MAD1L1: variants seen among roughly 807,000 people sequenced by gnomAD.
MAD1L1 encodes the protein mitotic spindle assembly checkpoint protein MAD1.
A neutral mutation model predicts 96.9 loss-of-function variants in MAD1L1; 95 were observed. The ratio of observed to expected loss-of-function variants is 0.98; its 90% CI spans 0.83 to 1.16. The LOEUF is 1.16. MAD1L1 is among the 50% of genes most tolerant of loss of function. The pLI is 0.00. For synonymous variants in MAD1L1, 473 were observed against 396.6 expected, an observed-to-expected ratio of 1.19 and a Z score of -2.29; for missense variants, 1,007 against 954.4, an observed-to-expected ratio of 1.06 and a Z score of -0.73.
At chr7:1,966,586 T>C (rs1413669598) in intron 15 of MAD1L1, among the ~76,000 whole-genome samples, 17 of 90,136 alleles carry the variant, frequency 1.9e-4, no homozygotes, top group African/African-American at 3.8e-4. Context: ...ACAAAAAAAA[T>C]CCCTAGAGAT....
intron 17 of MAD1L1, among the ~76,000 whole-genome samples, chr7:1,915,278 G>C (rs35797753): frequency 2.0e-5 from 3 of 152,032 alleles, no homozygotes; most frequent in Admixed American, 2.0e-4. Context: ...ACCTTGGAGC[G>C]GAAGTGCTAC....
intron 18 of MAD1L1, among the ~76,000 whole-genome samples, chr7:1,833,592 TAC>T (rs1403280107): frequency 6.6e-6 from 1 of 152,226 alleles, no homozygotes; most frequent in Non-Finnish European, 1.5e-5. Flanking sequence ...AGATTTCAAG[TAC>T]ACACACAACA....
At chr7:2,187,851 T>A (rs991194548) in intron 10 of MAD1L1, among the ~76,000 whole-genome samples, 2 of 152,218 alleles carry the variant, frequency 1.3e-5, no homozygotes, top group African/African-American at 2.4e-5. Flanking sequence ...TGGTAGACAT[T>A]TTCTCAAAAA....
At chr7:2,036,705 G>C (rs74384981) in intron 12 of MAD1L1, among the ~76,000 whole-genome samples, 5,012 of 152,220 alleles carry the variant, frequency 0.033, 248 homozygotes, top group African/African-American at 0.11. Context: ...ACCCAGACGT[G>C]TGCCTGTCCC....
chr7:2,014,265 G>C lies in MAD1L1; in HGVS notation c.1359+237C>G, dbSNP rs55690593. On this transcript the variant is annotated intron_variant, in intron 13 of 18. Transcript: ENST00000265854. ...CTGTCCCTCTGTCATCCGCTTGCAG[G>C]CTGGGACCACCTGAGACACCCTGAC... 7.0e-3 allele frequency among the ~76,000 whole-genome samples: 1,072 copies of C among 152,304 alleles called. 7 individuals carry two copies. Among genetic ancestry groups the C allele is most frequent in the Middle Eastern group, 0.058 (17 of 294 alleles).
At position 2,142,738 on chromosome 7, in the gene MAD1L1, T is replaced by C. The variant is rs1789102258; in HGVS notation, c.1073+6414A>G. On this transcript the variant is annotated intron_variant, in intron 11 of 18. Coordinates refer to ENST00000265854, the MANE Select transcript of MAD1L1 (RefSeq NM_001013836.2). This position sits in a 1 kb window ranked among gnomAD's most constrained non-coding sequence, Gnocchi z 4.7. ...AGCCGAACGGACGCAACAAGGCCTCTGGCCATGTCAAACCCCAGGGGCCCC... is the reference window on the plus strand; with the variant it reads ...AGCCGAACGGACGCAACAAGGCCTCCGGCCATGTCAAACCCCAGGGGCCCC... Among the ~76,000 whole-genome samples, 1 of 152,240 alleles carries C rather than the reference T, an allele frequency of 6.6e-6. No homozygotes were observed. The highest frequency in any genetic ancestry group is 2.1e-4 in the South Asian group (1 of 4,834).
At chr7:1,939,072 G>T (rs1254480741) in intron 16 of MAD1L1, among the ~76,000 whole-genome samples, 1 of 116,316 alleles carries the variant, frequency 8.6e-6, no homozygotes, top group Non-Finnish European at 1.7e-5. Flanking sequence ...ACGGGCCAGA[G>T]CCGGGACCAG....
chr7:1,969,433 T>C (rs1388666663), intron 15 of MAD1L1, among the ~76,000 whole-genome samples: 1 of 152,154 alleles, frequency 6.6e-6, no homozygotes, highest in East Asian at 1.9e-4. Flanking sequence ...TATGTCAATC[T>C]CAATGGTGAA....
intron 18 of MAD1L1, among the ~76,000 whole-genome samples, chr7:1,865,262 C>A (rs1331836692): frequency 6.6e-6 from 1 of 152,114 alleles, no homozygotes. Flanking sequence ...AGTGGCTCCT[C>A]CTTGGGGAAA....
chr7:1,882,078 G>A (rs974801483), intron 18 of MAD1L1, among the ~76,000 whole-genome samples: 1 of 152,190 alleles, frequency 6.6e-6, no homozygotes, highest in South Asian at 2.1e-4. Context: ...GGCAGACACC[G>A]TTCACCATGC....
chr7:1,857,705 G>A (rs1784326574), intron 18 of MAD1L1, among the ~76,000 whole-genome samples: 1 of 152,222 alleles, frequency 6.6e-6, no homozygotes. Flanking sequence ...ACAGGAGTGT[G>A]GGCAAGGCCA....
At chr7:2,112,783 T>C (rs1456231881) in intron 11 of MAD1L1, among the ~76,000 whole-genome samples, 3 of 151,042 alleles carry the variant, frequency 2.0e-5, no homozygotes, top group African/African-American at 4.9e-5. Context: ...GAAACAGGGC[T>C]CACTGGGAAA....
intron 18 of MAD1L1, among the ~76,000 whole-genome samples, chr7:1,881,793 G>C (rs12669518): frequency 0.32 from 48,565 of 152,078 alleles, 8,450 homozygotes; most frequent in East Asian, 0.46. Flanking sequence ...GACACGACCC[G>C]AGGCCCATGG....
At chr7:2,105,225 G>A (rs181624991) in intron 11 of MAD1L1, among the ~76,000 whole-genome samples, 2 of 152,118 alleles carry the variant, frequency 1.3e-5, no homozygotes, top group African/African-American at 4.8e-5. Context: ...GCCGACAAGG[G>A]GTTGGTTACT....
intron 11 of MAD1L1, among the ~76,000 whole-genome samples, chr7:2,069,563 G>A (rs1029415436): frequency 2.6e-5 from 4 of 152,236 alleles, no homozygotes; most frequent in Admixed American, 2.6e-4. Context: ...GGCAGGGAGG[G>A]GGAAGGGAGC....
chr7:2,113,199 C>A (rs899138638), intron 11 of MAD1L1, among the ~76,000 whole-genome samples: 2 of 151,824 alleles, frequency 1.3e-5, no homozygotes, highest in African/African-American at 2.4e-5. Context: ...AAGAGACGGG[C>A]GGACAGAAAA....
chr7:2,106,616 A>C (rs1787114584), intron 11 of MAD1L1, among the ~76,000 whole-genome samples: 1 of 152,188 alleles, frequency 6.6e-6, no homozygotes, highest in South Asian at 2.1e-4. Flanking sequence ...CCTCCTCTCC[A>C]GCCCACCAGA....
chr7:1,918,703 T>C (rs1788578131), intron 17 of MAD1L1, among the ~76,000 whole-genome samples: 1 of 152,220 alleles, frequency 6.6e-6, no homozygotes, highest in Admixed American at 6.5e-5. Flanking sequence ...AAGAACAGCA[T>C]GGAGAGAAGG....
Position 2,129,273 on chromosome 7 carries a change from G to T in MAD1L1, c.1073+19879C>A, listed in dbSNP as rs541455033. ...GCCAGGGGGCAGGGAGGGAGTGAAA[G>T]AACAAGACGCCTGGAAGAGGGAAAG... On this transcript the variant is annotated intron_variant, in intron 11 of 18. Transcript: ENST00000265854. Among the ~76,000 whole-genome samples, 37 of 152,364 alleles carry T rather than the reference G, an allele frequency of 2.4e-4. 3 individuals carry two copies. In the South Asian group the frequency reaches 7.5e-3, roughly 31 times the overall value.
Sources: allele counts gnomAD v4.1 joint callset (sites outside exome capture counted in the v4.1 genomes callset), GRCh38; gene constraint gnomAD v4.1.1; non-coding constraint Gnocchi (gnomAD v3.1); transcripts MANE v1.5; gene names NCBI Gene and HGNC (gene_info 2026-07-23, HGNC 2026-07-21).